TMPRSS15: variants seen among roughly 807,000 people sequenced by gnomAD.
TMPRSS15 encodes the protein enteropeptidase.
Under a neutral mutation model 125.3 loss-of-function variants are expected in TMPRSS15, and 128 were observed. The ratio of observed to expected loss-of-function variants is 1.02; its 90% CI spans 0.89 to 1.18. The LOEUF is 1.18. Among genes scored for constraint, TMPRSS15 ranks in the 50% most tolerant of loss-of-function variants. The pLI, the probability that TMPRSS15 is intolerant of heterozygous loss-of-function variation, is 0.00. For synonymous variants in TMPRSS15, 446 were observed against 423.2 expected (o/e 1.05, Z -0.66); for missense variants, 1,283 against 1,212.7 (o/e 1.06, Z -0.86).
At position 18,398,239 on chromosome 21, in the gene TMPRSS15, G is replaced by C. The variant is rs760899449; in HGVS notation, c.236C>G (p.Ser79Ter). The change falls in exon 2 of 25, where the codon TCA becomes TGA. Residue 79 changes from serine to a stop codon, truncating the protein, a stop_gained. Coordinates refer to ENST00000284885, the MANE Select transcript of TMPRSS15 (RefSeq NM_002772.3). LOFTEE classifies it high-confidence loss of function. ...AAAAGCAAGAACTTTGAAATCCACT[G>C]AGAGTTTGTCTTGCAAATTAGGATT... ...TYNPNLQDKL[S>*]VDFKVLAFDL... 6.2e-7 allele frequency: 1 copy of C among 1,613,726 alleles called. No individual in the cohort carries two copies. The highest frequency in any genetic ancestry group is 8.5e-7 in the Non-Finnish European group (1 of 1,179,798).
intron 1 of TMPRSS15, among the ~76,000 whole-genome samples, chr21:18,423,637 C>T (rs1224948157): frequency 1.3e-5 from 2 of 151,218 alleles, no homozygotes; most frequent in East Asian, 2.0e-4. Context: ...CAGATGGTCT[C>T]GATCTCCTGA....
chr21:18,315,029 C>T (rs1301834178), intron 17 of TMPRSS15, 117 bp downstream of exon 17: 15 of 814,994 alleles, frequency 1.8e-5, no homozygotes, highest in East Asian at 5.1e-5. Flanking sequence ...GAGATGTTCT[C>T]GTTCCAAAGC....
intron 6 of TMPRSS15, among the ~76,000 whole-genome samples, chr21:18,365,636 C>A: frequency 2.4e-5 from 1 of 42,374 alleles, no homozygotes; most frequent in Non-Finnish European, 4.4e-5. Context: ...TTCTCTTTCT[C>A]TCTCTTTTTC....
At chr21:18,338,387 A>T (rs1049253266) in intron 13 of TMPRSS15, among the ~76,000 whole-genome samples, 5 of 152,160 alleles carry the variant, frequency 3.3e-5, no homozygotes, top group African/African-American at 1.2e-4. Flanking sequence ...TCAAAATAGC[A>T]AAATGTTGCT....
chr21:18,406,387 A>C (rs188678496), upstream of TMPRSS15, among the ~76,000 whole-genome samples: 95 of 152,300 alleles, frequency 6.2e-4, 1 homozygote, highest in African/African-American at 2.2e-3. Context: ...CAGTGTGCAG[A>C]GATGAATGAG....
At chr21:18,454,640 C>T (rs992855205) in intron 1 of TMPRSS15, among the ~76,000 whole-genome samples, 1 of 151,940 alleles carries the variant, frequency 6.6e-6, no homozygotes, top group Non-Finnish European at 1.5e-5. Flanking sequence ...GGTATAAGTG[C>T]CAGAGTCTAA....
intron 16 of TMPRSS15, 104 bp from the exon 17 acceptor site, chr21:18,315,360 C>T: frequency 1.1e-6 from 1 of 938,820 alleles, no homozygotes; most frequent in Non-Finnish European, 1.7e-6. Flanking sequence ...TCCTTTGCCA[C>T]AGCTCAAGGT....
At chr21:18,372,402 A>G (rs918679644) in intron 5 of TMPRSS15, 78 bp from the exon 6 acceptor site, 6 of 1,330,970 alleles carry the variant, frequency 4.5e-6, no homozygotes, top group Admixed American at 3.5e-5. Flanking sequence ...CCTTTTTGCC[A>G]CTGGGGTTCT....
intron 1 of TMPRSS15, among the ~76,000 whole-genome samples, chr21:18,485,133 C>T (rs1419085491): frequency 1.3e-5 from 2 of 151,666 alleles, no homozygotes; most frequent in Admixed American, 6.6e-5. Flanking sequence ...TAAAGATTAT[C>T]TTTTAAAATT....
intron 16 of TMPRSS15, among the ~76,000 whole-genome samples, chr21:18,316,721 A>G (rs1187624241): frequency 2.0e-5 from 3 of 152,186 alleles, no homozygotes; most frequent in Non-Finnish European, 4.4e-5. Context: ...TAGTGGAAAC[A>G]TTCCTTATTT....
Position 18,269,712 on chromosome 21 carries a change from A to G in TMPRSS15, c.*257T>C, listed in dbSNP as rs891700666. 1.3e-5 allele frequency: 5 copies of G among 395,792 alleles called. No homozygotes were observed. Among genetic ancestry groups the G allele is most frequent in the African/African-American group, 4.1e-5 (2 of 48,966 alleles). 24.5% of individuals were successfully genotyped at this position (395,792 alleles called of 1,614,324 possible). On this transcript the variant is annotated 3_prime_UTR_variant, in exon 25 of 25. Transcript: ENST00000284885. ...ATAATCATTAAGAATTTTAAAAATG[A>G]GATCTGTGAAGAAATACCTGTTCAC...
intron 1 of TMPRSS15, among the ~76,000 whole-genome samples, chr21:18,419,635 G>A (rs2076188019): frequency 1.3e-5 from 2 of 152,012 alleles, no homozygotes; most frequent in Admixed American, 6.6e-5. Context: ...TTTCCTCCCC[G>A]AAATTTTAAC....
intron 12 of TMPRSS15, 111 bp downstream of exon 12, chr21:18,343,395 G>A: frequency 4.8e-6 from 5 of 1,043,226 alleles, no homozygotes; most frequent in Non-Finnish European, 7.0e-6. Flanking sequence ...AGTAGAGAAA[G>A]TGACTTGATT....
At chr21:18,346,743 A>G (rs1464824956) in intron 10 of TMPRSS15, among the ~76,000 whole-genome samples, 1 of 152,212 alleles carries the variant, frequency 6.6e-6, no homozygotes, top group Admixed American at 6.5e-5. Context: ...CACTATTTCC[A>G]AGTGCATCTC....
chr21:18,413,302 T>TTTTC lies in TMPRSS15; in HGVS notation c.11-14977_11-14974dup, dbSNP rs910135957. 2.5e-5 allele frequency among the ~76,000 whole-genome samples: 3 copies of TTTTC among 122,006 alleles called. 1 individual carries two copies. Among genetic ancestry groups the TTTTC allele is most frequent in the Non-Finnish European group, 5.1e-5 (3 of 58,944 alleles). 80.0% of individuals were successfully genotyped at this position (122,006 alleles called of 152,430 possible). On this transcript the variant is annotated intron_variant, in intron 1 of 7. Transcript: ENST00000422787. ...TCTTTTTCTTTCTTTCTTTTCTTTCTTTTCTTTCTTTTCCTTCCTTCCTTC... is the reference window on the plus strand; with the variant it reads ...TCTTTTTCTTTCTTTCTTTTCTTTCTTTTCTTTCTTTCTTTTCCTTCCTTCCTTC...
At chr21:18,289,072 C>A (rs2074802107) in intron 21 of TMPRSS15, among the ~76,000 whole-genome samples, 1 of 151,992 alleles carries the variant, frequency 6.6e-6, no homozygotes, top group Non-Finnish European at 1.5e-5. Context: ...CTGCTTAAAG[C>A]ATGAGACATT....
At chr21:18,468,819 G>A (rs1978719918) in intron 1 of TMPRSS15, among the ~76,000 whole-genome samples, 1 of 152,064 alleles carries the variant, frequency 6.6e-6, no homozygotes, top group Admixed American at 6.6e-5. Context: ...ACCTCCAGGT[G>A]GTACCATATG....
intron 1 of TMPRSS15, among the ~76,000 whole-genome samples, chr21:18,467,355 T>G (rs1329847865): frequency 6.6e-6 from 1 of 151,886 alleles, no homozygotes; most frequent in Non-Finnish European, 1.5e-5. Context: ...TGTATACCTA[T>G]GTAACAAACC....
intron 1 of TMPRSS15, among the ~76,000 whole-genome samples, chr21:18,446,327 T>C (rs2076255736): frequency 1.3e-5 from 2 of 152,058 alleles, no homozygotes; most frequent in Non-Finnish European, 2.9e-5. Context: ...CAAAAGATAG[T>C]CCATGTTCAT....
Sources: gnomAD v4.1 joint callset for allele counts (sites outside exome capture counted in the v4.1 genomes callset) on GRCh38, gnomAD v4.1.1 for gene constraint, MANE v1.5 for transcripts, NCBI Gene and HGNC (gene_info 2026-07-23, HGNC 2026-07-21) for gene names.